The following SHISA9 variants were observed in gnomAD, a reference collection of about 807,000 sequenced individuals.
SHISA9 encodes protein shisa-9.
Under a neutral mutation model 38.0 loss-of-function variants are expected in SHISA9, and 13 were observed. The observed-to-expected ratio is 0.34, with a 90% confidence interval of 0.22 to 0.54. SHISA9 has a LOEUF of 0.54. SHISA9 is among the 20% of genes least tolerant of loss of function. SHISA9 has a pLI of 0.91. For synonymous variants in SHISA9, 275 were observed against 242.0 expected (o/e 1.14, Z -1.27); for missense variants, 538 against 575.8 (o/e 0.93, Z 0.67).
the SHISA9 span, among the ~76,000 whole-genome samples, chr16:13,272,973 G>A: frequency 6.6e-6 from 1 of 152,020 alleles, no homozygotes; most frequent in Non-Finnish European, 1.5e-5. Context: ...CAGAACAACT[G>A]GGGTTATTGC....
the SHISA9 span, among the ~76,000 whole-genome samples, chr16:13,303,118 C>A: frequency 2.0e-5 from 3 of 152,088 alleles, no homozygotes; most frequent in Non-Finnish European, 4.4e-5. Flanking sequence ...CCCAAGAAGC[C>A]TAGATTTAAA....
chr16:13,115,989 A>G (rs1453482156), intron 2 of SHISA9, among the ~76,000 whole-genome samples: 1 of 152,128 alleles, frequency 6.6e-6, no homozygotes. Context: ...TTCCTGCATG[A>G]ACGACTCTGG....
At chr16:12,939,735 A>G (rs1175421886) in intron 2 of SHISA9, among the ~76,000 whole-genome samples, 1 of 152,142 alleles carries the variant, frequency 6.6e-6, no homozygotes, top group Non-Finnish European at 1.5e-5. Flanking sequence ...GTGCTATTCA[A>G]TGAAACATCA....
chr16:13,321,822 C>T, the SHISA9 span, among the ~76,000 whole-genome samples: 3 of 152,138 alleles, frequency 2.0e-5, no homozygotes, highest in African/African-American at 7.2e-5. Context: ...ATCTCTGCCA[C>T]TTAATATCTA....
In SHISA9 at chr16:13,023,170, G is replaced by C. The variant is rs905527511; in HGVS notation, c.691+106355G>C. ...TTCTCCTAATGCTATCCCTCCCCAA[G>C]TCCCTGACCCTGCAACAGGCCCTGG... On this transcript the variant is annotated intron_variant, in intron 2 of 4. Transcript: ENST00000558583. 2.0e-5 allele frequency among the ~76,000 whole-genome samples: 3 copies of C among 152,104 alleles called. No individual in the cohort carries two copies. The South Asian group carries it at 6.2e-4, about 32-fold the overall frequency.
the SHISA9 span, among the ~76,000 whole-genome samples, chr16:13,370,221 G>C: frequency 4.1e-4 from 62 of 152,274 alleles, no homozygotes; most frequent in African/African-American, 1.5e-3. Context: ...AACGTAACTT[G>C]TGTTTGCAAA....
intron 2 of SHISA9, among the ~76,000 whole-genome samples, chr16:13,071,796 C>A (rs537720556): frequency 6.6e-6 from 1 of 151,988 alleles, no homozygotes; most frequent in African/African-American, 2.4e-5. Flanking sequence ...CACCACCATG[C>A]CCGGCTTTTA....
chr16:13,388,727 C>G, the SHISA9 span, among the ~76,000 whole-genome samples: 1 of 152,054 alleles, frequency 6.6e-6, no homozygotes, highest in African/African-American at 2.4e-5. Flanking sequence ...ATTGAAAAAT[C>G]TGGCACATCG....
At chr16:13,502,984 A>T in the SHISA9 span, among the ~76,000 whole-genome samples, 4 of 152,240 alleles carry the variant, frequency 2.6e-5, no homozygotes, top group African/African-American at 9.6e-5. Context: ...GGTAGTAATA[A>T]AACAATCAGA....
At chr16:12,920,421 C>T (rs550818642) in intron 2 of SHISA9, among the ~76,000 whole-genome samples, 7 of 152,268 alleles carry the variant, frequency 4.6e-5, no homozygotes, top group African/African-American at 1.7e-4. Context: ...ATAAGACCTA[C>T]TGTTTGATAG....
the SHISA9 span, among the ~76,000 whole-genome samples, chr16:13,470,349 G>T: frequency 3.3e-5 from 5 of 152,146 alleles, no homozygotes; most frequent in Non-Finnish European, 7.4e-5. Context: ...TATGAGGAGT[G>T]TATTAGTCTG....
the SHISA9 span, among the ~76,000 whole-genome samples, chr16:13,370,678 G>C: frequency 6.6e-6 from 1 of 152,086 alleles, no homozygotes. Context: ...CTATGATCTT[G>C]TTTTGAACAT....
intron 2 of SHISA9, among the ~76,000 whole-genome samples, chr16:13,037,109 GACAC>G (rs1207707042): frequency 0.07 from 7,347 of 105,096 alleles, 224 homozygotes; most frequent in Middle Eastern, 0.091. Context: ...CACACACACA[GACAC>G]ACACACACAC....
the SHISA9 span, among the ~76,000 whole-genome samples, chr16:13,449,849 G>A: frequency 3.9e-5 from 6 of 152,256 alleles, no homozygotes; most frequent in East Asian, 1.2e-3. Context: ...GGGCGCTGTG[G>A]CTCATGCCTG....
At chr16:13,328,863 T>G in the SHISA9 span, among the ~76,000 whole-genome samples, 1 of 152,006 alleles carries the variant, frequency 6.6e-6, no homozygotes, top group Non-Finnish European at 1.5e-5. Flanking sequence ...AATACAGAAG[T>G]CCTCAGTAAC....
the SHISA9 span, among the ~76,000 whole-genome samples, chr16:13,560,949 C>T: frequency 6.6e-6 from 1 of 152,074 alleles, no homozygotes; most frequent in African/African-American, 2.4e-5. Context: ...CTGCAACCTC[C>T]ACCTCCAGGG....
chr16:13,323,914 T>G, the SHISA9 span, among the ~76,000 whole-genome samples: 1 of 151,852 alleles, frequency 6.6e-6, no homozygotes, highest in Non-Finnish European at 1.5e-5. Context: ...GTGTTGGAGG[T>G]GGGTCTAGTG....
At chr16:13,261,119 A>T in the SHISA9 span, among the ~76,000 whole-genome samples, 4 of 152,136 alleles carry the variant, frequency 2.6e-5, no homozygotes, top group African/African-American at 9.7e-5. Flanking sequence ...ATTCTGGGAG[A>T]TGCAATTCAA....
At chr16:13,411,088 T>A in the SHISA9 span, among the ~76,000 whole-genome samples, 1 of 152,208 alleles carries the variant, frequency 6.6e-6, no homozygotes, top group Non-Finnish European at 1.5e-5. Context: ...AAAGTCTAGA[T>A]ACATGGGTTT....
Sources: gnomAD v4.1 joint callset for allele counts (sites outside exome capture counted in the v4.1 genomes callset) on GRCh38, gnomAD v4.1.1 for gene constraint, MANE v1.5 for transcripts, NCBI Gene and HGNC (gene_info 2026-07-23, HGNC 2026-07-21) for gene names.